The following CAMTA1 variants were observed in gnomAD, a reference collection of about 807,000 sequenced individuals.
CAMTA1 encodes calmodulin-binding transcription activator 1.
Under a neutral mutation model 170.9 loss-of-function variants are expected in CAMTA1, and 27 were observed. That is an observed-to-expected ratio of 0.16 (90% CI 0.12 to 0.22). CAMTA1 has a LOEUF of 0.22. CAMTA1 is among the 10% of genes least tolerant of loss of function. The pLI is 1.00. For synonymous variants in CAMTA1, 833 were observed against 891.5 expected (o/e 0.93, Z 1.17); for missense variants, 1,619 against 2,217.2 (o/e 0.73, Z 5.42).
At chr1:7,704,671 G>C (rs888857461) in intron 11 of CAMTA1, among the ~76,000 whole-genome samples, 16 of 148,422 alleles carry the variant, frequency 1.1e-4, no homozygotes, top group Non-Finnish European at 2.1e-4. Context: ...GGTCCGGTGA[G>C]CTCACCGCCG....
intron 6 of CAMTA1, among the ~76,000 whole-genome samples, chr1:7,537,179 G>T (rs540135571): frequency 6.6e-6 from 1 of 152,196 alleles, no homozygotes; most frequent in Non-Finnish European, 1.5e-5. Flanking sequence ...CAGGAGGGAC[G>T]CATTGCCCCA....
chr1:6,817,679 G>T (rs1645993695), intron 1 of CAMTA1, among the ~76,000 whole-genome samples: 1 of 152,134 alleles, frequency 6.6e-6, no homozygotes, highest in Admixed American at 6.6e-5. Flanking sequence ...TGTCACCCAA[G>T]CTAGAGTGCA....
intron 5 of CAMTA1, among the ~76,000 whole-genome samples, chr1:7,346,093 C>G (rs1014854970): frequency 6.6e-6 from 1 of 152,156 alleles, no homozygotes; most frequent in African/African-American, 2.4e-5. Context: ...GTTGGGCTCA[C>G]TTTTAGTGAA....
intron 6 of CAMTA1, among the ~76,000 whole-genome samples, chr1:7,546,240 G>A (rs528571199): frequency 1.3e-5 from 2 of 152,310 alleles, no homozygotes; most frequent in African/African-American, 4.8e-5. Context: ...ACAGGCGTGA[G>A]CCACTGCGCC....
At chr1:7,075,646 A>G (rs558254631) in intron 3 of CAMTA1, among the ~76,000 whole-genome samples, 66 of 145,198 alleles carry the variant, frequency 4.5e-4, no homozygotes, top group African/African-American at 1.6e-3. Context: ...CCCGTGGTGC[A>G]CTTTCAATCT....
rs571200981 is a variant in CAMTA1 at position 7,571,442 on chromosome 1, AC to A, written c.511-68957del. 1.4e-4 allele frequency among the ~76,000 whole-genome samples: 21 copies of A among 152,318 alleles called. No homozygotes were observed. The East Asian group carries it at 3.5e-3, about 25-fold the overall frequency. On this transcript the variant is annotated intron_variant, in intron 6 of 22. Transcript: ENST00000303635. ...GATTATTTCATCACTCAGGTACTAA[AC>A]ATAGTACCCAATAACTATTTTTTTC...
At chr1:6,988,658 C>T (rs865975204) in intron 3 of CAMTA1, among the ~76,000 whole-genome samples, 52 of 151,432 alleles carry the variant, frequency 3.4e-4, no homozygotes, top group Middle Eastern at 3.4e-3. Context: ...GTTGCTTTGT[C>T]GGAAATGAGC....
At chr1:7,644,059 T>A (rs74053144) in intron 7 of CAMTA1, among the ~76,000 whole-genome samples, 2,925 of 152,298 alleles carry the variant, frequency 0.019, 77 homozygotes, top group African/African-American at 0.067. Flanking sequence ...TCCTGATGTT[T>A]CCAAATTTCC....
At chr1:7,543,799 T>C (rs994819581) in intron 6 of CAMTA1, among the ~76,000 whole-genome samples, 5 of 151,962 alleles carry the variant, frequency 3.3e-5, no homozygotes, top group African/African-American at 1.2e-4. Context: ...AAAGAGTGTG[T>C]TTATGTAAAA....
At chr1:7,358,067 G>C (rs951508123) in intron 5 of CAMTA1, among the ~76,000 whole-genome samples, 4 of 152,216 alleles carry the variant, frequency 2.6e-5, no homozygotes, top group African/African-American at 9.7e-5. Flanking sequence ...GATCTTTGTG[G>C]AGGGGGGGAA....
chr1:7,689,226 C>T (rs577492114), intron 11 of CAMTA1, among the ~76,000 whole-genome samples: 14 of 140,200 alleles, frequency 1.0e-4, no homozygotes, highest in African/African-American at 3.2e-4. Context: ...AAGACCACAC[C>T]ATTGCACTCC....
chr1:6,884,335 C>CAGACACAA (rs776481131), intron 3 of CAMTA1, among the ~76,000 whole-genome samples: 1 of 143,924 alleles, frequency 6.9e-6, no homozygotes, highest in Non-Finnish European at 1.5e-5. Context: ...CACACACACA[C>CAGACACAA]AATTTTGTTT....
chr1:7,608,590 A>G (rs1319357148), intron 6 of CAMTA1, among the ~76,000 whole-genome samples: 1 of 152,152 alleles, frequency 6.6e-6, no homozygotes, highest in Non-Finnish European at 1.5e-5. Flanking sequence ...GATGGCAGGG[A>G]AGGAGCCATG....
At chr1:7,122,852 T>G (rs1462013765) in intron 4 of CAMTA1, among the ~76,000 whole-genome samples, 3 of 152,192 alleles carry the variant, frequency 2.0e-5, no homozygotes, top group Non-Finnish European at 4.4e-5. Context: ...CTGGATGCTC[T>G]TCTGTCTTGC....
intron 3 of CAMTA1, chr1:6,834,502 G>T: frequency 3.9e-6 from 1 of 255,362 alleles, no homozygotes; most frequent in East Asian, 1.0e-4. Flanking sequence ...TGCACTTGGC[G>T]GGGTAGCCAC....
At chr1:6,838,095 A>G (rs1489336164) in intron 3 of CAMTA1, among the ~76,000 whole-genome samples, 1 of 152,088 alleles carries the variant, frequency 6.6e-6, no homozygotes, top group Admixed American at 6.5e-5. Context: ...GTGTCCAGGG[A>G]CTGTTCATTG....
intron 4 of CAMTA1, among the ~76,000 whole-genome samples, chr1:7,235,020 C>T (rs1297857536): frequency 6.6e-6 from 1 of 152,010 alleles, no homozygotes; most frequent in Non-Finnish European, 1.5e-5. Flanking sequence ...CTCCTGACCT[C>T]AGGTGATCCT....
chr1:6,852,794 T>C (rs542571680), intron 3 of CAMTA1, among the ~76,000 whole-genome samples: 11 of 152,248 alleles, frequency 7.2e-5, no homozygotes, highest in Non-Finnish European at 1.6e-4. Context: ...TCATTGGCCA[T>C]TGGCCGTTGG....
intron 11 of CAMTA1, among the ~76,000 whole-genome samples, chr1:7,730,301 GCGTCTC>G (rs1354163459): frequency 6.6e-5 from 10 of 152,162 alleles, no homozygotes; most frequent in Admixed American, 6.5e-4. Flanking sequence ...ATCGTCTCCT[GCGTCTC>G]CTGCTCTCCC....
Sources: gnomAD v4.1 joint callset for allele counts (sites outside exome capture counted in the v4.1 genomes callset) on GRCh38, gnomAD v4.1.1 for gene constraint, MANE v1.5 for transcripts, NCBI Gene and HGNC (gene_info 2026-07-23, HGNC 2026-07-21) for gene names.